KIF18A: variants seen among roughly 807,000 people sequenced by gnomAD.
KIF18A encodes the protein kinesin family member 18A.
Under a neutral mutation model 103.3 loss-of-function variants are expected in KIF18A, and 67 were observed. The ratio of observed to expected loss-of-function variants is 0.65; its 90% CI spans 0.53 to 0.79. KIF18A has a LOEUF of 0.79. KIF18A is among the 30% of genes least tolerant of loss of function. The pLI is 0.00. For missense variants in KIF18A, 1,032 were observed against 1,062.5 expected (o/e 0.97, Z 0.40); for synonymous variants, 367 against 355.5 (o/e 1.03, Z -0.36).
intron 9 of KIF18A, among the ~76,000 whole-genome samples, chr11:28,077,536 C>T (rs1376934854): frequency 6.6e-6 from 1 of 152,052 alleles, no homozygotes; most frequent in Non-Finnish European, 1.5e-5. Flanking sequence ...AGGATGATAA[C>T]CTGGGCATGC....
chr11:28,086,078 A>G lies in KIF18A; in HGVS notation c.898-1270T>C, dbSNP rs191346060. 9.1e-4 allele frequency among the ~76,000 whole-genome samples: 138 copies of G among 152,328 alleles called. 1 individual carries two copies. The highest frequency in any genetic ancestry group is 3.3e-3 in the African/African-American group (137 of 41,580). Reference sequence around the variant, plus strand: ...ATGTACCATATTAATATAAAAAATTAACAATAGGGAAAACCAGGTGTGGAG... The same window carrying G: ...ATGTACCATATTAATATAAAAAATTGACAATAGGGAAAACCAGGTGTGGAG... On this transcript the variant is annotated intron_variant, in intron 6 of 16. Transcript: ENST00000263181.
intron 8 of KIF18A, 81 bp from the exon 9 acceptor site, chr11:28,083,049 T>A (rs1206192338): frequency 6.9e-7 from 1 of 1,453,062 alleles, no homozygotes; most frequent in Non-Finnish European, 9.2e-7. Context: ...AAAAAATAAC[T>A]GAATTAACCA....
chr11:28,063,938 G>A (rs1850885545), intron 11 of KIF18A, among the ~76,000 whole-genome samples: 1 of 151,540 alleles, frequency 6.6e-6, no homozygotes, highest in African/African-American at 2.4e-5. Context: ...ATCTGCAGTT[G>A]ACCAATAATT....
At chr11:28,072,702 T>A (rs1422184417) in intron 10 of KIF18A, among the ~76,000 whole-genome samples, 1 of 149,076 alleles carries the variant, frequency 6.7e-6, no homozygotes, top group Non-Finnish European at 1.5e-5. Flanking sequence ...AAGTAAGAGA[T>A]CAGAAAAGGC....
intron 15 of KIF18A, among the ~76,000 whole-genome samples, chr11:28,028,660 G>A (rs1014564116): frequency 1.3e-4 from 19 of 151,910 alleles, no homozygotes; most frequent in Non-Finnish European, 2.2e-4. Context: ...CCAGCAGAAG[G>A]CAAGAAATAA....
At chr11:28,082,827 T>C (rs1486060719) in intron 9 of KIF18A, 29 bp downstream of exon 9, 1 of 1,353,808 alleles carries the variant, frequency 7.4e-7, no homozygotes, top group Non-Finnish European at 1.0e-6. Context: ...AATAAATTCC[T>C]CAAAATTAGA....
At chr11:28,033,366 C>A (rs1373626221) in intron 15 of KIF18A, among the ~76,000 whole-genome samples, 2 of 150,938 alleles carry the variant, frequency 1.3e-5, no homozygotes, top group Non-Finnish European at 3.0e-5. Flanking sequence ...AGATACATGC[C>A]AAAATGAAAG....
intron 11 of KIF18A, among the ~76,000 whole-genome samples, chr11:28,065,651 T>C (rs1441550556): frequency 1.3e-5 from 2 of 151,982 alleles, no homozygotes; most frequent in South Asian, 4.1e-4. Context: ...TCAGAAACAA[T>C]ACCATACCAT....
In KIF18A at chr11:28,036,574, T is replaced by C. The variant is rs1201148809; in HGVS notation, c.2039A>G (p.His680Arg). ...TTGAGATGGTGGAGACTTTAGAGTA[T>C]GCTGTCCTTTCAAGGGAGATGGCAT... Reference protein sequence around the residue: ...KLMPSPLKGQHTLKSPPSQSV... With the variant: ...KLMPSPLKGQRTLKSPPSQSV... The change falls in exon 14 of 17, where the codon CAT becomes CGT. Residue 680 changes from histidine to arginine, a missense_variant. By Grantham distance (29) the His-to-Arg change is conservative (BLOSUM62 0). Transcript: ENST00000263181. The C allele has an allele frequency of 1.2e-6, 2 of 1,610,910 alleles. No homozygotes were observed. The highest frequency in any genetic ancestry group is 1.7e-6 in the Non-Finnish European group (2 of 1,177,962).
At chr11:28,070,525 AAT>A (rs1205835490) in intron 10 of KIF18A, among the ~76,000 whole-genome samples, 1 of 152,190 alleles carries the variant, frequency 6.6e-6, no homozygotes, top group Non-Finnish European at 1.5e-5. Flanking sequence ...ATAAGGGAAA[AAT>A]AGTTGATAGC....
intron 11 of KIF18A, among the ~76,000 whole-genome samples, chr11:28,067,962 G>A (rs1850956642): frequency 6.6e-6 from 1 of 152,042 alleles, no homozygotes; most frequent in Admixed American, 6.6e-5. Flanking sequence ...AAAGACACAT[G>A]CACACATATG....
intron 1 of KIF18A, among the ~76,000 whole-genome samples, chr11:28,107,360 GTGAC>G (rs2133574931): frequency 6.6e-6 from 1 of 151,080 alleles, no homozygotes; most frequent in East Asian, 1.9e-4. Flanking sequence ...CTGTAACTGA[GTGAC>G]TAATGAGCTC....
chr11:28,084,442 A>G (rs1484733772), intron 7 of KIF18A, 190 bp downstream of exon 7: 2 of 218,434 alleles, frequency 9.2e-6, no homozygotes, highest in Non-Finnish European at 1.8e-5. Context: ...ATATATATAT[A>G]TAATCAAGAT....
At chr11:28,099,579 CA>C (rs1036944253) in intron 1 of KIF18A, among the ~76,000 whole-genome samples, 2 of 152,074 alleles carry the variant, frequency 1.3e-5, no homozygotes, top group African/African-American at 4.8e-5. Flanking sequence ...TAAACTTACA[CA>C]TTTTTTTTGT....
At chr11:28,065,681 C>A (rs1015154755) in intron 11 of KIF18A, among the ~76,000 whole-genome samples, 1 of 151,866 alleles carries the variant, frequency 6.6e-6, no homozygotes, top group African/African-American at 2.4e-5. Context: ...TGGAAGCTTA[C>A]GGTAATGTGG....
chr11:28,048,742 T>C (rs1162485642), intron 13 of KIF18A, among the ~76,000 whole-genome samples: 2 of 152,114 alleles, frequency 1.3e-5, no homozygotes, highest in African/African-American at 2.4e-5. Flanking sequence ...CAGATGAATA[T>C]ATGCAGGCAA....
chr11:28,035,623 C>G (rs1000432552), intron 14 of KIF18A, 129 bp from the exon 15 acceptor site: 16 of 449,402 alleles, frequency 3.6e-5, no homozygotes, highest in Non-Finnish European at 6.1e-5. Flanking sequence ...TTCTGCTATA[C>G]TGTAAAGATT....
Position 28,100,138 on chromosome 11 carries a change from G to A in KIF18A, c.-46-2145C>T, listed in dbSNP as rs138041671. Among the ~76,000 whole-genome samples the A allele has an allele frequency of 4.4e-3, 667 of 152,222 alleles. 6 individuals carry two copies. The highest frequency in any genetic ancestry group is 0.014 in the African/African-American group (580 of 41,546). On this transcript the variant is annotated intron_variant, in intron 1 of 16. Transcript: ENST00000263181. ...GAAGGATAAAGTAGTCACCAACTGA[G>A]ATGGAAATAAGAAGCAGGGCTTTTT...
chr11:28,040,003 C>A (rs1326946369), intron 13 of KIF18A, among the ~76,000 whole-genome samples: 4 of 151,446 alleles, frequency 2.6e-5, no homozygotes, highest in Non-Finnish European at 5.9e-5. Flanking sequence ...CAGGAGCTAA[C>A]CAGAGCAAAA....
Sources: gnomAD v4.1 joint callset for allele counts (sites outside exome capture counted in the v4.1 genomes callset) on GRCh38, gnomAD v4.1.1 for gene constraint, MANE v1.5 for transcripts, NCBI Gene and HGNC (gene_info 2026-07-23, HGNC 2026-07-21) for gene names.